Variants in HS3ST4 observed in about 807,000 individuals in gnomAD.
The protein encoded by HS3ST4 is heparan sulfate-glucosamine 3-sulfotransferase 4, also known as heparan sulfate glucosamine 3-O-sulfotransferase 4.
A neutral mutation model predicts 29.2 loss-of-function variants in HS3ST4; 17 were observed. The ratio of observed to expected loss-of-function variants is 0.58; its 90% CI spans 0.40 to 0.87. The LOEUF (loss-of-function observed/expected upper bound fraction) is 0.87. HS3ST4 is among the 40% of genes least tolerant of loss of function. The pLI, the probability that HS3ST4 is intolerant of heterozygous loss-of-function variation, is 0.00. For synonymous variants in HS3ST4, 314 were observed against 285.7 expected (o/e 1.10, Z -1.00); for missense variants, 627 against 634.5 (o/e 0.99, Z 0.13).
chr16:25,758,056 C>A (rs1306926931), intron 1 of HS3ST4, among the ~76,000 whole-genome samples: 1 of 152,106 alleles, frequency 6.6e-6, no homozygotes, highest in African/African-American at 2.4e-5. Flanking sequence ...ATCAGTCTGT[C>A]ATAGAAAGAT....
chr16:25,904,435 T>A (rs1220681993), intron 1 of HS3ST4, among the ~76,000 whole-genome samples: 1 of 152,246 alleles, frequency 6.6e-6, no homozygotes, highest in African/African-American at 2.4e-5. Context: ...ATTTGCTTTT[T>A]AAAATCGAAT....
intron 1 of HS3ST4, among the ~76,000 whole-genome samples, chr16:25,844,142 T>C (rs547400508): frequency 6.6e-6 from 1 of 152,314 alleles, no homozygotes; most frequent in Non-Finnish European, 1.5e-5. Flanking sequence ...AAAATAGAAG[T>C]ATAAAAACAG....
chr16:26,104,784 C>T (rs148115617), intron 1 of HS3ST4, among the ~76,000 whole-genome samples: 2,697 of 152,272 alleles, frequency 0.018, 42 homozygotes, highest in Non-Finnish European at 0.027. Flanking sequence ...TGTGAGTCTT[C>T]CTCTTCTCTA....
chr16:25,861,009 T>G (rs1967631098), intron 1 of HS3ST4, among the ~76,000 whole-genome samples: 1 of 152,186 alleles, frequency 6.6e-6, no homozygotes, highest in South Asian at 2.1e-4. Context: ...CCTCTTAATT[T>G]TGCTGTGAAC....
chr16:25,765,322 C>T (rs1167348021), intron 1 of HS3ST4, among the ~76,000 whole-genome samples: 2 of 152,088 alleles, frequency 1.3e-5, no homozygotes, highest in Non-Finnish European at 1.5e-5. Context: ...GCGGAGACGC[C>T]GCTGGGAAGC....
At chr16:26,071,827 C>T (rs1467072540) in intron 1 of HS3ST4, among the ~76,000 whole-genome samples, 1 of 152,142 alleles carries the variant, frequency 6.6e-6, no homozygotes, top group Non-Finnish European at 1.5e-5. Context: ...ACTTGCCTCA[C>T]CCTAGGCCCT....
intron 1 of HS3ST4, among the ~76,000 whole-genome samples, chr16:25,831,130 T>C (rs997957421): frequency 6.6e-6 from 1 of 152,202 alleles, no homozygotes; most frequent in African/African-American, 2.4e-5. Flanking sequence ...TCTCCTCATT[T>C]AAGTTTTGCC....
At chr16:25,777,052 A>G (rs1966848127) in intron 1 of HS3ST4, among the ~76,000 whole-genome samples, 1 of 152,016 alleles carries the variant, frequency 6.6e-6, no homozygotes, top group South Asian at 2.1e-4. Context: ...TTTTCTCTTC[A>G]TTTTAATCCA....
rs1966823492 is a variant in HS3ST4, at chr16:25,766,899, A to AT, written c.734+73752dup. On this transcript the variant is annotated intron_variant, in intron 1 of 1. Transcript: ENST00000331351. ...AAAGTGAAACTGAAAAAATGCATTG[A>AT]TTTTACCAGATACACGCACCTAGTC... Among the ~76,000 whole-genome samples the AT allele has an allele frequency of 2.0e-5, 3 of 152,222 alleles. No homozygotes were observed. In the South Asian group the frequency reaches 6.2e-4, roughly 32 times the overall value.
chr16:25,736,954 T>C (rs1190804096), intron 1 of HS3ST4, among the ~76,000 whole-genome samples: 1 of 152,126 alleles, frequency 6.6e-6, no homozygotes, highest in East Asian at 1.9e-4. Flanking sequence ...GTTCAAGGGA[T>C]TCTTCTGCTT....
chr16:25,899,598 C>T (rs183549917), intron 1 of HS3ST4, among the ~76,000 whole-genome samples: 5 of 152,010 alleles, frequency 3.3e-5, no homozygotes, highest in Admixed American at 1.3e-4. Flanking sequence ...CTCTGCCGTA[C>T]GTGTTCAAGC....
At chr16:25,979,798 T>C (rs913484315) in intron 1 of HS3ST4, among the ~76,000 whole-genome samples, 10 of 152,212 alleles carry the variant, frequency 6.6e-5, no homozygotes, top group African/African-American at 2.4e-4. Context: ...TGCTGTCCTG[T>C]TAGACTCTTA....
chr16:26,114,199 C>A (rs931841463), intron 1 of HS3ST4, among the ~76,000 whole-genome samples: 4 of 152,146 alleles, frequency 2.6e-5, no homozygotes, highest in Admixed American at 2.0e-4. Flanking sequence ...ACACCGGGCT[C>A]CTTGCTGAGG....
rs1264768055 is a variant in HS3ST4 at position 25,693,161 on chromosome 16, T to C, written c.734+10T>C. On this transcript the variant is annotated intron_variant, in intron 1 of 1. Transcript: ENST00000331351. ...GGTTGGAGTGGTACAGGTAGGACCC[T>C]GGGCTCCGCGGGCTGGTGGAGACGC... 1.9e-6 allele frequency: 3 copies of C among 1,561,412 alleles called. No individual in the cohort carries two copies. The highest frequency in any genetic ancestry group is 1.9e-5 in the Admixed American group (1 of 53,020).
At chr16:26,037,481 C>T (rs1311848734) in intron 1 of HS3ST4, among the ~76,000 whole-genome samples, 4 of 152,134 alleles carry the variant, frequency 2.6e-5, no homozygotes, top group Non-Finnish European at 5.9e-5. Flanking sequence ...AGAGATAGAA[C>T]TGGGAGTAGG....
intron 1 of HS3ST4, among the ~76,000 whole-genome samples, chr16:25,974,323 G>A (rs899627863): frequency 4.6e-5 from 7 of 152,028 alleles, no homozygotes; most frequent in Non-Finnish European, 8.8e-5. Context: ...TATTTTTAAC[G>A]TCCCCTCTGT....
At chr16:25,921,808 A>G (rs1046140770) in intron 1 of HS3ST4, among the ~76,000 whole-genome samples, 1 of 149,022 alleles carries the variant, frequency 6.7e-6, no homozygotes, top group Non-Finnish European at 1.5e-5. Flanking sequence ...AGGCTAGAAT[A>G]CAGTGTCTCA....
intron 1 of HS3ST4, among the ~76,000 whole-genome samples, chr16:25,909,398 A>G (rs1293403708): frequency 6.6e-6 from 1 of 152,120 alleles, no homozygotes; most frequent in Non-Finnish European, 1.5e-5. Flanking sequence ...CATGTTGTCC[A>G]GGCTGGTCTT....
intron 1 of HS3ST4, among the ~76,000 whole-genome samples, chr16:25,723,972 G>C (rs1427633312): frequency 6.6e-6 from 1 of 152,056 alleles, no homozygotes; most frequent in Admixed American, 6.6e-5. Context: ...AAATTAGCTG[G>C]GTGTGTCGGC....
Sources: gnomAD v4.1 joint callset for allele counts (sites outside exome capture counted in the v4.1 genomes callset) on GRCh38, gnomAD v4.1.1 for gene constraint, MANE v1.5 for transcripts, NCBI Gene and HGNC (gene_info 2026-07-23, HGNC 2026-07-21) for gene names.